The following CRPPA variants were observed in gnomAD, a reference collection of about 807,000 sequenced individuals.
CRPPA encodes D-ribitol-5-phosphate cytidylyltransferase.
A neutral mutation model predicts 52.0 loss-of-function variants in CRPPA; 43 were observed. The observed-to-expected ratio is 0.83, with a 90% CI of 0.65 to 1.07. The LOEUF is 1.07. CRPPA is among the 50% of genes least tolerant of loss of function. The pLI is 0.00. For missense variants in CRPPA, 629 were observed against 551.7 expected (o/e 1.14, Z -1.40); for synonymous variants, 250 against 203.5 (o/e 1.23, Z -1.94).
At chr7:16,293,168 G>T (rs1257807589) in intron 5 of CRPPA, among the ~76,000 whole-genome samples, 2 of 151,768 alleles carry the variant, frequency 1.3e-5, no homozygotes, top group East Asian at 3.9e-4. Flanking sequence ...AAGCAGGTGG[G>T]CAAAATATCG....
intron 9 of CRPPA, chr7:16,208,927 A>C: frequency 2.9e-6 from 1 of 343,360 alleles, no homozygotes; most frequent in Non-Finnish European, 5.8e-6. Context: ...TTTCCATGCC[A>C]ATAGCATTCC....
intron 3 of CRPPA, among the ~76,000 whole-genome samples, chr7:16,315,011 T>C (rs1024486515): frequency 1.3e-5 from 2 of 152,116 alleles, no homozygotes; most frequent in Non-Finnish European, 2.9e-5. Context: ...ATATGTGTGT[T>C]ATGTGTTTTA....
chr7:16,197,912 G>C (rs1376957552), intron 9 of CRPPA, among the ~76,000 whole-genome samples: 1 of 149,028 alleles, frequency 6.7e-6, no homozygotes, highest in Non-Finnish European at 1.5e-5. Context: ...ATGGATTAAG[G>C]GCGGTGCAGG....
chr7:16,125,718 G>T (rs531272598), intron 9 of CRPPA, among the ~76,000 whole-genome samples: 1 of 152,006 alleles, frequency 6.6e-6, no homozygotes, highest in African/African-American at 2.4e-5. Flanking sequence ...TGGGTGATGA[G>T]TTCAAAATTT....
intron 6 of CRPPA, among the ~76,000 whole-genome samples, chr7:16,271,341 G>C (rs1784085580): frequency 6.6e-6 from 1 of 152,142 alleles, no homozygotes. Flanking sequence ...GTACTTTTAA[G>C]AGGAGCAGCC....
intron 9 of CRPPA, among the ~76,000 whole-genome samples, chr7:16,151,992 A>G (rs1020444867): frequency 3.9e-5 from 6 of 152,026 alleles, no homozygotes; most frequent in Non-Finnish European, 7.4e-5. Context: ...GTTGAACAAC[A>G]TATTCTTCAA....
At chr7:16,342,763 CAAAAAA>C (rs368521163) in intron 3 of CRPPA, among the ~76,000 whole-genome samples, 874 of 64,714 alleles carry the variant, frequency 0.014, 34 homozygotes, top group African/African-American at 0.044. Context: ...CCTGTCTCCA[CAAAAAA>C]AAAAAAAAAA....
chr7:16,372,293 G>A (rs961890326), intron 3 of CRPPA, among the ~76,000 whole-genome samples: 6 of 152,168 alleles, frequency 3.9e-5, no homozygotes, highest in Non-Finnish European at 7.3e-5. Flanking sequence ...TAAGAGCTAT[G>A]AGAGAAAAGC....
At chr7:16,327,596 T>C (rs1415357252) in intron 3 of CRPPA, among the ~76,000 whole-genome samples, 1 of 47,556 alleles carries the variant, frequency 2.1e-5, no homozygotes, top group African/African-American at 1.0e-4. Context: ...CGAGACTCCG[T>C]CTCAAAAAAA....
chr7:16,110,742 C>T (rs1435354649), intron 9 of CRPPA, among the ~76,000 whole-genome samples: 1 of 152,048 alleles, frequency 6.6e-6, no homozygotes, highest in Non-Finnish European at 1.5e-5. Context: ...TAGATATCCA[C>T]ATTCAGAAGA....
At chr7:16,348,352 T>A (rs79371528) in intron 3 of CRPPA, among the ~76,000 whole-genome samples, 2 of 152,164 alleles carry the variant, frequency 1.3e-5, no homozygotes, top group Admixed American at 1.3e-4. Context: ...AGCAATTTTA[T>A]ACGAGCAAAC....
chr7:16,137,654 C>A (rs1333984305), intron 9 of CRPPA, among the ~76,000 whole-genome samples: 10 of 152,150 alleles, frequency 6.6e-5, no homozygotes, highest in Non-Finnish European at 1.2e-4. Context: ...TTTCAATTAT[C>A]TGATCCCAAC....
chr7:16,102,200 A>G (rs1284634472), intron 9 of CRPPA, among the ~76,000 whole-genome samples: 4 of 152,220 alleles, frequency 2.6e-5, no homozygotes, highest in African/African-American at 7.2e-5. Flanking sequence ...AAAACAATCA[A>G]TGGGGAAAGG....
chr7:16,163,742 C>T (rs1342719984), intron 9 of CRPPA, among the ~76,000 whole-genome samples: 1 of 152,106 alleles, frequency 6.6e-6, no homozygotes, highest in African/African-American at 2.4e-5. Context: ...ATTTGCTGGT[C>T]TGTAAAGGAT....
chr7:16,307,883 G>A (rs1350847330), intron 4 of CRPPA, among the ~76,000 whole-genome samples: 8 of 145,978 alleles, frequency 5.5e-5, no homozygotes, highest in Non-Finnish European at 8.9e-5. Flanking sequence ...GATACTGCAG[G>A]CAAAGTTGTA....
chr7:16,286,718 G>A (rs1784458878), intron 5 of CRPPA, among the ~76,000 whole-genome samples: 1 of 152,112 alleles, frequency 6.6e-6, no homozygotes, highest in Admixed American at 6.6e-5. Context: ...TCATCAAGGA[G>A]ACTTTCAAAA....
chr7:16,154,205 C>A (rs1783130007), intron 9 of CRPPA, among the ~76,000 whole-genome samples: 1 of 151,798 alleles, frequency 6.6e-6, no homozygotes, highest in Non-Finnish European at 1.5e-5. Context: ...ATTTATTGAA[C>A]ACTGAGTAAG....
At chr7:16,399,541 G>A (rs994040046) in intron 2 of CRPPA, among the ~76,000 whole-genome samples, 5 of 151,234 alleles carry the variant, frequency 3.3e-5, no homozygotes, top group South Asian at 4.2e-4. Context: ...TGACTGACAC[G>A]AGATTGACAT....
intron 2 of CRPPA, among the ~76,000 whole-genome samples, chr7:16,393,437 C>T (rs1787491825): frequency 6.6e-6 from 1 of 151,962 alleles, no homozygotes; most frequent in African/African-American, 2.4e-5. Context: ...CCCATGCTCA[C>T]ATAGAAACTC....
Sources: allele counts gnomAD v4.1 joint callset (sites outside exome capture counted in the v4.1 genomes callset), GRCh38; gene constraint gnomAD v4.1.1; transcripts MANE v1.5; gene names NCBI Gene and HGNC (gene_info 2026-07-23, HGNC 2026-07-21).